The following HEATR1 variants were observed in gnomAD, a reference collection of about 807,000 sequenced individuals.
The protein encoded by HEATR1 is HEAT repeat-containing protein 1.
Under a neutral mutation model 248.2 loss-of-function variants are expected in HEATR1, and 77 were observed. The ratio of observed to expected loss-of-function variants is 0.31; its 90% CI spans 0.26 to 0.37. The LOEUF is 0.37. Among genes scored for constraint, HEATR1 ranks in the 10% least tolerant of loss-of-function variants. HEATR1 has a pLI of 1.00. For synonymous variants in HEATR1, 897 were observed against 923.1 expected, an observed-to-expected ratio of 0.97 and a Z score of 0.51; for missense variants, 2,420 against 2,504.9, an observed-to-expected ratio of 0.97 and a Z score of 0.72.
intron 3 of HEATR1, among the ~76,000 whole-genome samples, chr1:236,601,669 C>CAA (rs1330109602): frequency 1.1e-5 from 1 of 87,744 alleles, no homozygotes; most frequent in Non-Finnish European, 3.1e-5. Flanking sequence ...AAAACAAAAA[C>CAA]AAACAAACAA....
chr1:236,597,399 T>C (rs749927942), intron 5 of HEATR1, among the ~76,000 whole-genome samples: 7 of 151,956 alleles, frequency 4.6e-5, no homozygotes, highest in Non-Finnish European at 8.8e-5. Context: ...ATTACAGGCA[T>C]GCCCCACCAT....
At position 236,594,228 on chromosome 1, in the gene HEATR1, C is replaced by G. The variant is rs944937911; in HGVS notation, c.1091-114G>C. 8.0e-5 allele frequency: 49 copies of G among 612,284 alleles called. 1 individual carries two copies. The highest frequency in any genetic ancestry group is 7.6e-4 in the African/African-American group (40 of 52,896). The allele number at this position is 612,284 out of a possible 1,614,324, so 37.9% of individuals were successfully genotyped here. A position where few individuals can be genotyped will look rare whatever the true frequency, so the allele number is the denominator to read the frequency against. On this transcript the variant is annotated intron_variant, in intron 8 of 44. Transcript: ENST00000366582. ...CAGAATAAAACACACACACTGATAT[C>G]CAGCTTTTTATCTATTTGCACAAGT...
At chr1:236,595,419 T>C in intron 8 of HEATR1, 121 bp downstream of exon 8, 1 of 796,900 alleles carries the variant, frequency 1.3e-6, no homozygotes, top group East Asian at 2.9e-5. Flanking sequence ...ATAGACAAGT[T>C]ACACAAGAAC....
Position 236,549,117 on chromosome 1 carries a change from G to T in HEATR1, c.*1785C>A, listed in dbSNP as rs1030999620. On this transcript the variant is annotated 3_prime_UTR_variant, in exon 45 of 45. Transcript: ENST00000366582. ...CGCCAACTAAGGGACCCACAAAGCAGGCAGAGGTAATGCAGAAATCTGTTT... is the reference window on the plus strand; with the variant it reads ...CGCCAACTAAGGGACCCACAAAGCATGCAGAGGTAATGCAGAAATCTGTTT... 18 of 397,358 alleles carry T rather than the reference G, an allele frequency of 4.5e-5. No individual in the cohort carries two copies. In the Admixed American group the frequency reaches 6.2e-4, roughly 14 times the overall value. The allele number at this position is 397,358 out of a possible 1,614,324, so 24.6% of individuals were successfully genotyped here.
intron 32 of HEATR1, among the ~76,000 whole-genome samples, chr1:236,561,732 A>G (rs904463127): frequency 8.5e-5 from 13 of 152,306 alleles, no homozygotes; most frequent in Non-Finnish European, 1.5e-4. Context: ...ACGGAACAAC[A>G]TGTTTTTCTG....
intron 20 of HEATR1, among the ~76,000 whole-genome samples, chr1:236,579,509 C>A (rs1458331495): frequency 2.6e-5 from 4 of 152,098 alleles, no homozygotes; most frequent in Admixed American, 6.5e-5. Flanking sequence ...CAGAAAATAA[C>A]TATTTTAATA....
Position 236,604,119 on chromosome 1 carries a change from T to C in HEATR1, c.-24A>G. 1.3e-6 allele frequency: 2 copies of C among 1,542,718 alleles called. No individual in the cohort carries two copies. The highest frequency in any genetic ancestry group is 1.7e-6 in the Non-Finnish European group (2 of 1,152,780). On this transcript the variant is annotated 5_prime_UTR_variant, in exon 2 of 45. Transcript: ENST00000366582. ...ATCTTTCACGCCAGCGGAGTTTTAA[T>C]GACACGGGCTAAAAAAACGTAAGCA...
At chr1:236,554,207 C>T (rs994188703) in intron 42 of HEATR1, among the ~76,000 whole-genome samples, 5 of 152,200 alleles carry the variant, frequency 3.3e-5, no homozygotes, top group African/African-American at 1.2e-4. Context: ...GCCTGGCCAA[C>T]ATGGCAAAAC....
At chr1:236,580,824 A>ATTTTTTCTTTT (rs1663710920) in intron 20 of HEATR1, among the ~76,000 whole-genome samples, 1 of 126,656 alleles carries the variant, frequency 7.9e-6, no homozygotes, top group Non-Finnish European at 1.6e-5. Flanking sequence ...GCCTTTATCG[A>ATTTTTTCTTTT]TTTTTTTTTT....
At chr1:236,582,660 C>T (rs1020403982) in intron 19 of HEATR1, 76 bp downstream of exon 19, 26 of 1,523,952 alleles carry the variant, frequency 1.7e-5, no homozygotes, top group Middle Eastern at 3.5e-4. Flanking sequence ...GCCTCGGCCT[C>T]CCAAAGTGCT....
chr1:236,577,826 C>T (rs970938739), intron 20 of HEATR1, among the ~76,000 whole-genome samples: 1 of 152,096 alleles, frequency 6.6e-6, no homozygotes, highest in South Asian at 2.1e-4. Context: ...AATGTATTTT[C>T]CATATTTTAA....
At chr1:236,599,349 T>G (rs1158421451) in intron 4 of HEATR1, 134 bp downstream of exon 4, 2 of 607,560 alleles carry the variant, frequency 3.3e-6, no homozygotes, top group Admixed American at 7.0e-5. Flanking sequence ...TAGTTTCAAT[T>G]GGAAGTCAGG....
In HEATR1 at chr1:236,594,063, G is replaced by C. The variant is rs367603895; in HGVS notation, c.1142C>G (p.Ala381Gly). 1.9e-5 allele frequency: 30 copies of C among 1,599,938 alleles called. No individual in the cohort carries two copies. Among genetic ancestry groups the C allele is most frequent in the Non-Finnish European group, 2.2e-5 (26 of 1,174,972 alleles). Residue 381 changes from alanine to glycine, a missense_variant, in exon 9 of 45, where the codon GCT becomes GGT. Physicochemically the swap from Ala to Gly is moderately conservative, Grantham distance 60 (BLOSUM62 0). Transcript: ENST00000366582. ...DGQIYKRHLE[A>G]ILTKISLKNN... is the part of the protein sequence containing the mutation. ...CTTCAGTGATATTTTTGTAAGTATA[G>C]CTTCTAAGTGTCTCTTGTAGATTTG...
At chr1:236,576,156 A>T in intron 22 of HEATR1, 63 bp downstream of exon 22, 1 of 1,270,078 alleles carries the variant, frequency 7.9e-7, no homozygotes, top group Non-Finnish European at 1.1e-6. Flanking sequence ...TTCACCCACA[A>T]GCAGTTACAA....
At chr1:236,580,065 T>C (rs1558186244) in intron 20 of HEATR1, among the ~76,000 whole-genome samples, 1 of 152,192 alleles carries the variant, frequency 6.6e-6, no homozygotes, top group African/African-American at 2.4e-5. Flanking sequence ...AATCAATTTT[T>C]TCATCTTCAA....
chr1:236,585,733 T>A (rs953593455), intron 16 of HEATR1, 87 bp downstream of exon 16: 184 of 1,418,250 alleles, frequency 1.3e-4, no homozygotes, highest in East Asian at 2.4e-4. Context: ...AAATTTTTTT[T>A]AAGAAAAATC....
chr1:236,557,582 A>T, intron 36 of HEATR1, among the ~76,000 whole-genome samples: 1 of 152,232 alleles, frequency 6.6e-6, no homozygotes, highest in East Asian at 1.9e-4. Flanking sequence ...TTAACTGAAC[A>T]CTTACTATGT....
intron 22 of HEATR1, 49 bp downstream of exon 22, chr1:236,576,170 T>C: frequency 2.1e-6 from 3 of 1,413,468 alleles, no homozygotes; most frequent in South Asian, 3.0e-5. Context: ...GTTACAACAA[T>C]TCTTTAGTAA....
chr1:236,580,189 A>G (rs182307760), intron 20 of HEATR1, among the ~76,000 whole-genome samples: 1 of 152,328 alleles, frequency 6.6e-6, no homozygotes, highest in African/African-American at 2.4e-5. Flanking sequence ...CTTTTGCAAA[A>G]TTTGCAATTC....
Sources: allele counts gnomAD v4.1 joint callset (sites outside exome capture counted in the v4.1 genomes callset), GRCh38; gene constraint gnomAD v4.1.1; transcripts MANE v1.5; gene names NCBI Gene and HGNC (gene_info 2026-07-23, HGNC 2026-07-21).